The following LSAMP variants were observed in gnomAD, a reference collection of about 807,000 sequenced individuals.
LSAMP encodes the protein limbic system-associated membrane protein.
Under a neutral mutation model 38.6 loss-of-function variants are expected in LSAMP, and 7 were observed. That is an observed-to-expected ratio of 0.18 (90% CI 0.10 to 0.34). The LOEUF (loss-of-function observed/expected upper bound fraction) is 0.34, where lower values mean the gene tolerates loss of function less well. Among genes scored for constraint, LSAMP ranks in the 10% least tolerant of loss-of-function variants. The pLI is 1.00. For missense variants in LSAMP, 313 were observed against 420.0 expected, an observed-to-expected ratio of 0.75 and a Z score of 2.23; for synonymous variants, 154 against 166.8, an observed-to-expected ratio of 0.92 and a Z score of 0.59.
chr3:116,178,291 C>G (rs1442509001), intron 1 of LSAMP, among the ~76,000 whole-genome samples: 1 of 152,084 alleles, frequency 6.6e-6, no homozygotes, highest in African/African-American at 2.4e-5. Context: ...CTCAGCCTCC[C>G]GAGAACCCGG....
chr3:116,210,937 C>T (rs2046148397), intron 1 of LSAMP, among the ~76,000 whole-genome samples: 1 of 151,846 alleles, frequency 6.6e-6, no homozygotes. Context: ...ACGTCTATGT[C>T]TATCAACAGA....
At chr3:116,224,359 A>G (rs2046319757) in intron 1 of LSAMP, among the ~76,000 whole-genome samples, 1 of 152,240 alleles carries the variant, frequency 6.6e-6, no homozygotes, top group South Asian at 2.1e-4. Context: ...GAACAATATT[A>G]AAAATCATGC....
At chr3:115,921,383 G>T (rs1253393867) in intron 3 of LSAMP, among the ~76,000 whole-genome samples, 1 of 151,944 alleles carries the variant, frequency 6.6e-6, no homozygotes, top group Non-Finnish European at 1.5e-5. Flanking sequence ...CCTACAAAAA[G>T]CATCTTATAA....
intron 3 of LSAMP, among the ~76,000 whole-genome samples, chr3:115,933,655 CT>C (rs1184272597): frequency 6.6e-6 from 1 of 152,154 alleles, no homozygotes; most frequent in Non-Finnish European, 1.5e-5. Flanking sequence ...AGGAGCACCC[CT>C]GGAAGAGTGT....
chr3:116,052,094 G>A (rs933691911), intron 2 of LSAMP, among the ~76,000 whole-genome samples: 3 of 152,220 alleles, frequency 2.0e-5, no homozygotes, highest in Non-Finnish European at 4.4e-5. Flanking sequence ...GGGCTGGCCA[G>A]TGATCCAAGT....
chr3:116,271,748 C>A (rs891325691), intron 1 of LSAMP, among the ~76,000 whole-genome samples: 2 of 152,046 alleles, frequency 1.3e-5, no homozygotes, highest in East Asian at 2.0e-4. Flanking sequence ...GGATAGTGTG[C>A]CAATTTGTAG....
chr3:116,296,732 T>C (rs1198146832), intron 1 of LSAMP, among the ~76,000 whole-genome samples: 2 of 111,912 alleles, frequency 1.8e-5, no homozygotes, highest in Admixed American at 1.8e-4. Context: ...AAGAAACCCA[T>C]AAAGGTCTAC....
intron 1 of LSAMP, among the ~76,000 whole-genome samples, chr3:116,250,500 A>AT (rs911582842): frequency 2.3e-4 from 35 of 152,274 alleles, no homozygotes; most frequent in Non-Finnish European, 4.3e-4. Context: ...ACAAATTATT[A>AT]TCAATACTGG....
At chr3:116,384,781 TGA>T (rs1239401607) in intron 1 of LSAMP, among the ~76,000 whole-genome samples, 1 of 152,154 alleles carries the variant, frequency 6.6e-6, no homozygotes, top group Non-Finnish European at 1.5e-5. Flanking sequence ...CATTTAATTT[TGA>T]GTCACATATT....
At chr3:116,299,512 T>C (rs1253738536) in intron 1 of LSAMP, among the ~76,000 whole-genome samples, 2 of 152,212 alleles carry the variant, frequency 1.3e-5, no homozygotes, top group African/African-American at 4.8e-5. Context: ...CATTGTAAAA[T>C]GTACTTACAC....
intron 1 of LSAMP, among the ~76,000 whole-genome samples, chr3:116,345,967 A>C (rs1318666723): frequency 6.6e-6 from 1 of 152,234 alleles, no homozygotes; most frequent in African/African-American, 2.4e-5. Context: ...ATACTTGGTA[A>C]AGAAATAAAT....
intron 1 of LSAMP, among the ~76,000 whole-genome samples, chr3:116,208,718 T>G (rs2046105872): frequency 1.5e-5 from 2 of 137,732 alleles, no homozygotes. Flanking sequence ...TGCTCGGGGG[T>G]CAGGGGTCAG....
intron 1 of LSAMP, among the ~76,000 whole-genome samples, chr3:116,137,125 G>A (rs891220867): frequency 2.0e-5 from 3 of 151,908 alleles, no homozygotes; most frequent in East Asian, 1.9e-4. Flanking sequence ...TCTTCAGGTG[G>A]CCTTCTTCCC....
intron 1 of LSAMP, among the ~76,000 whole-genome samples, chr3:116,429,296 T>C (rs982794381): frequency 3.9e-5 from 6 of 152,166 alleles, no homozygotes; most frequent in African/African-American, 7.2e-5. Flanking sequence ...TAGTGAACCA[T>C]GCATACAAAT....
At chr3:115,821,465 G>T (rs1934235924) in intron 6 of LSAMP, among the ~76,000 whole-genome samples, 1 of 152,146 alleles carries the variant, frequency 6.6e-6, no homozygotes, top group Non-Finnish European at 1.5e-5. Flanking sequence ...AGTTTATATT[G>T]TTTGCACAGT....
At chr3:116,296,290 C>A (rs1452980083) in intron 1 of LSAMP, among the ~76,000 whole-genome samples, 1 of 152,130 alleles carries the variant, frequency 6.6e-6, no homozygotes, top group Admixed American at 6.5e-5. Context: ...CAAACAACCC[C>A]CACTGAAAGG....
At chr3:115,904,576 T>G (rs536534171) in intron 3 of LSAMP, among the ~76,000 whole-genome samples, 1 of 152,226 alleles carries the variant, frequency 6.6e-6, no homozygotes, top group Admixed American at 6.6e-5. Flanking sequence ...TAAAATTTCT[T>G]CCTAACCTGT....
intron 1 of LSAMP, among the ~76,000 whole-genome samples, chr3:116,437,338 C>G (rs1454904581): frequency 6.6e-6 from 1 of 151,770 alleles, no homozygotes; most frequent in Non-Finnish European, 1.5e-5. Flanking sequence ...CAGGATCTCA[C>G]AAATCACCAC....
chr3:115,971,794 G>GT (rs1939027816), intron 3 of LSAMP, among the ~76,000 whole-genome samples: 1 of 152,100 alleles, frequency 6.6e-6, no homozygotes, highest in Non-Finnish European at 1.5e-5. Flanking sequence ...TTTCACATCA[G>GT]TAGAGGCTCA....
Sources: gnomAD v4.1 joint callset for allele counts (sites outside exome capture counted in the v4.1 genomes callset) on GRCh38, gnomAD v4.1.1 for gene constraint, MANE v1.5 for transcripts, NCBI Gene and HGNC (gene_info 2026-07-23, HGNC 2026-07-21) for gene names.